Variants in XKR9 observed in about 807,000 individuals in gnomAD.
XKR9 encodes the protein XK related 9.
Under a neutral mutation model 32.0 loss-of-function variants are expected in XKR9, and 32 were observed. The observed-to-expected ratio is 1.00, with a 90% confidence interval of 0.76 to 1.34. The LOEUF (loss-of-function observed/expected upper bound fraction) is 1.34, where lower values mean the gene tolerates loss of function less well. XKR9 is among the 40% of genes most tolerant of loss of function. XKR9 has a pLI of 0.00. For missense variants in XKR9, 546 were observed against 429.7 expected, an observed-to-expected ratio of 1.27 and a Z score of -2.39; for synonymous variants, 168 against 143.4, an observed-to-expected ratio of 1.17 and a Z score of -1.22.
chr8:70,911,164 A>G, the XKR9 span, among the ~76,000 whole-genome samples: 1 of 152,200 alleles, frequency 6.6e-6, no homozygotes, highest in Non-Finnish European at 1.5e-5. Context: ...TGTTGATGGA[A>G]TAACCAGGGG....
chr8:70,744,202 T>C (rs939234526), intron 2 of XKR9, among the ~76,000 whole-genome samples: 1 of 151,896 alleles, frequency 6.6e-6, no homozygotes, highest in Non-Finnish European at 1.5e-5. Context: ...TCCCAGCTAC[T>C]TGGGAGGCTG....
downstream of XKR9, among the ~76,000 whole-genome samples, chr8:70,794,032 A>G (rs948682290): frequency 2.0e-5 from 3 of 152,058 alleles, no homozygotes; most frequent in African/African-American, 7.2e-5. Context: ...ATTTCTTTCA[A>G]TGAAGTTTTG....
At chr8:70,947,327 C>A in the XKR9 span, among the ~76,000 whole-genome samples, 1 of 152,118 alleles carries the variant, frequency 6.6e-6, no homozygotes. Flanking sequence ...TAAAAGTTCC[C>A]TTTTCGATTG....
chr8:70,907,651 T>A, the XKR9 span, among the ~76,000 whole-genome samples: 1 of 152,254 alleles, frequency 6.6e-6, no homozygotes, highest in Non-Finnish European at 1.5e-5. Flanking sequence ...CTGCTATTGA[T>A]ATTTAGACCT....
the XKR9 span, among the ~76,000 whole-genome samples, chr8:71,012,278 G>T: frequency 6.6e-6 from 1 of 152,156 alleles, no homozygotes; most frequent in African/African-American, 2.4e-5. Flanking sequence ...TGGTGAGAGA[G>T]GGAGGGAAAA....
chr8:70,839,748 G>A, the XKR9 span, among the ~76,000 whole-genome samples: 1 of 152,156 alleles, frequency 6.6e-6, no homozygotes, highest in African/African-American at 2.4e-5. Context: ...CCAAATAATA[G>A]CATATACTCT....
chr8:70,885,853 C>T, the XKR9 span, among the ~76,000 whole-genome samples: 1 of 152,126 alleles, frequency 6.6e-6, no homozygotes, highest in African/African-American at 2.4e-5. Flanking sequence ...ACCTTGGCCT[C>T]CCAAAGTGCT....
chr8:70,946,306 A>C, the XKR9 span, among the ~76,000 whole-genome samples: 1 of 151,916 alleles, frequency 6.6e-6, no homozygotes, highest in Non-Finnish European at 1.5e-5. Context: ...CAAATATTAT[A>C]CTTTTGTCCT....
intron 2 of XKR9, among the ~76,000 whole-genome samples, chr8:70,754,767 A>G (rs779995002): frequency 6.6e-6 from 1 of 151,622 alleles, no homozygotes; most frequent in South Asian, 2.1e-4. Context: ...TTAATTCAAG[A>G]TGGATTAAAG....
chr8:71,048,372 T>C, the XKR9 span, among the ~76,000 whole-genome samples: 8 of 152,192 alleles, frequency 5.3e-5, no homozygotes, highest in Non-Finnish European at 1.0e-4. Context: ...AAATGTTGAC[T>C]CTCTTCTCTT....
intron 2 of XKR9, among the ~76,000 whole-genome samples, chr8:70,748,075 G>A (rs761679467): frequency 6.6e-5 from 10 of 152,186 alleles, no homozygotes; most frequent in Admixed American, 1.3e-4. Context: ...ACTTCCACAT[G>A]TACGAGATAG....
chr8:70,776,947 C>CTATATATATATATATATATATATATA (rs1554556847), intron 2 of XKR9, among the ~76,000 whole-genome samples: 2 of 54,218 alleles, frequency 3.7e-5, no homozygotes, highest in South Asian at 1.2e-3. Flanking sequence ...CTCTCTCTCT[C>CTATATATATATATATATATATATATA]TATATATATA....
the XKR9 span, among the ~76,000 whole-genome samples, chr8:70,893,574 G>A: frequency 6.6e-6 from 1 of 152,158 alleles, no homozygotes; most frequent in Non-Finnish European, 1.5e-5. Flanking sequence ...GACAGGTGCA[G>A]TGCTATAGCC....
At chr8:70,974,881 C>T in the XKR9 span, among the ~76,000 whole-genome samples, 1 of 152,312 alleles carries the variant, frequency 6.6e-6, no homozygotes, top group East Asian at 1.9e-4. Context: ...TCCTTTTCTC[C>T]ACATCCTCTC....
At chr8:70,843,908 G>A in the XKR9 span, among the ~76,000 whole-genome samples, 1 of 152,174 alleles carries the variant, frequency 6.6e-6, no homozygotes, top group Non-Finnish European at 1.5e-5. Context: ...GGCCACAACA[G>A]CCCCTGCATC....
chr8:71,036,753 C>T, the XKR9 span, among the ~76,000 whole-genome samples: 2 of 152,168 alleles, frequency 1.3e-5, no homozygotes, highest in South Asian at 4.2e-4. Flanking sequence ...AGAACTGGGG[C>T]ATCATTTTTC....
rs200276040 is a variant in XKR9 at position 70,734,180 on chromosome 8, T to G, written c.878T>G (p.Val293Gly). ...TGTCCAATGTCTTGTTATTATATTG[T>G]TAGGGTACTGGGCACTTTGGGGATA... ...TKCPMSCYYI[V>G]RVLGTLGILT... Residue 293 changes from valine (V) to glycine (G), a missense_variant, in exon 5 of 5, where the codon GTT becomes GGT. Physicochemically the swap from Val to Gly is moderately radical, Grantham distance 109. Transcript: ENST00000408926. 1.2e-6 allele frequency: 2 copies of G among 1,613,330 alleles called. No homozygotes were observed. Among genetic ancestry groups the G allele is most frequent in the Non-Finnish European group, 1.7e-6 (2 of 1,179,624 alleles).
chr8:70,753,836 T>G (rs1807178829), intron 2 of XKR9, among the ~76,000 whole-genome samples: 1 of 148,608 alleles, frequency 6.7e-6, no homozygotes, highest in South Asian at 2.1e-4. Flanking sequence ...ACTGGAAGCA[T>G]TCCCTTTGAA....
the XKR9 span, among the ~76,000 whole-genome samples, chr8:70,965,156 AG>A: frequency 1.0e-3 from 154 of 152,248 alleles, no homozygotes; most frequent in African/African-American, 3.2e-3. Context: ...TTTAACATGA[AG>A]GGTTGTTGAA....
Sources: allele counts gnomAD v4.1 joint callset (sites outside exome capture counted in the v4.1 genomes callset), GRCh38; gene constraint gnomAD v4.1.1; transcripts MANE v1.5; gene names NCBI Gene and HGNC (gene_info 2026-07-23, HGNC 2026-07-21).